Variants in PTPRD observed in about 807,000 individuals in gnomAD.
PTPRD encodes the protein protein tyrosine phosphatase receptor type D.
PTPRD carries 34 observed loss-of-function variants against 214.5 expected under a neutral mutation model. The observed-to-expected ratio is 0.16, with a 90% CI of 0.12 to 0.21. The LOEUF is 0.21. PTPRD is among the 10% of genes least tolerant of loss of function. PTPRD has a pLI of 1.00. For missense variants in PTPRD, 2,545 were observed against 2,398.7 expected (o/e 1.06, Z -1.27); for synonymous variants, 1,128 against 845.7 (o/e 1.33, Z -5.79).
chr9:9,413,122 T>TTTTTTTTTTTTC (rs2075987389), intron 8 of PTPRD, among the ~76,000 whole-genome samples: 1 of 130,814 alleles, frequency 7.6e-6, no homozygotes, highest in African/African-American at 2.9e-5. Flanking sequence ...TTTTTTTTTT[T>TTTTTTTTTTTTC]TTTGAGACGG....
intron 2 of PTPRD, among the ~76,000 whole-genome samples, chr9:10,446,689 G>C (rs1469353678): frequency 6.6e-6 from 1 of 152,070 alleles, no homozygotes; most frequent in African/African-American, 2.4e-5. Context: ...CTTGATGTTT[G>C]ATTTATCTGC....
At chr9:10,251,437 A>G (rs2092757795) in intron 3 of PTPRD, among the ~76,000 whole-genome samples, 1 of 151,806 alleles carries the variant, frequency 6.6e-6, no homozygotes, top group South Asian at 2.1e-4. Context: ...GAGTAGGATT[A>G]TCAGATCGAG....
rs374363515 is a variant in PTPRD at position 9,316,623 on chromosome 9, A to G, written c.-203+80826T>C. On this transcript the variant is annotated intron_variant, in intron 9 of 45. Transcript: ENST00000381196. The stretch of plus-strand genomic sequence containing the variant: ...AGGGGAAGAGTAGGTTAAGAGCAAA[A>G]TAGCCCAATCAACTATGCCACTTTT... Among the ~76,000 whole-genome samples, 4 of 152,142 alleles carry G rather than the reference A, an allele frequency of 2.6e-5. No homozygotes were observed. The East Asian group carries it at 5.8e-4, about 22-fold the overall frequency.
intron 44 of PTPRD, among the ~76,000 whole-genome samples, chr9:8,327,518 G>C (rs1305413847): frequency 6.6e-6 from 1 of 152,066 alleles, no homozygotes; most frequent in Non-Finnish European, 1.5e-5. Flanking sequence ...CTGTTGATTT[G>C]GGTGGAGAGT....
intron 9 of PTPRD, among the ~76,000 whole-genome samples, chr9:9,374,448 C>T (rs1402793512): frequency 6.6e-6 from 1 of 151,922 alleles, no homozygotes; most frequent in African/African-American, 2.4e-5. Context: ...AAAGGAGCAA[C>T]ATTTGAGAAA....
chr9:9,371,598 G>C (rs1240439517), intron 9 of PTPRD, among the ~76,000 whole-genome samples: 2 of 151,896 alleles, frequency 1.3e-5, no homozygotes, highest in Admixed American at 1.3e-4. Flanking sequence ...AGGGTTTTTT[G>C]TGTCTCTATC....
chr9:8,701,912 A>C (rs1426220603), intron 12 of PTPRD, among the ~76,000 whole-genome samples: 3 of 152,198 alleles, frequency 2.0e-5, no homozygotes, highest in African/African-American at 7.2e-5. Flanking sequence ...TCAATGTATT[A>C]AATGTCGTTC....
chr9:9,988,060 T>A (rs1372827862), intron 4 of PTPRD, among the ~76,000 whole-genome samples: 1 of 152,156 alleles, frequency 6.6e-6, no homozygotes, highest in African/African-American at 2.4e-5. Flanking sequence ...TAAACAGGTG[T>A]CTGAAAATAC....
intron 11 of PTPRD, among the ~76,000 whole-genome samples, chr9:8,748,814 G>C (rs1357616381): frequency 6.6e-6 from 1 of 152,084 alleles, no homozygotes; most frequent in Non-Finnish European, 1.5e-5. Flanking sequence ...GGGAGGCTGA[G>C]GTGTGAGAAT....
At chr9:8,680,689 CAT>C (rs34377357) in intron 12 of PTPRD, among the ~76,000 whole-genome samples, 1,800 of 152,248 alleles carry the variant, frequency 0.012, 35 homozygotes, top group African/African-American at 0.038. Context: ...CATAAACACA[CAT>C]ACACACATAA....
At chr9:10,503,195 AAAAAAAAAAAAAC>A (rs2044396787) in intron 2 of PTPRD, among the ~76,000 whole-genome samples, 1 of 120,320 alleles carries the variant, frequency 8.3e-6, no homozygotes, top group South Asian at 2.3e-4. Context: ...CTGCAATACA[AAAAAAAAAAAAAC>A]AAAAAAAAAC....
chr9:8,728,943 G>A (rs1277716401), intron 12 of PTPRD, among the ~76,000 whole-genome samples: 1 of 152,112 alleles, frequency 6.6e-6, no homozygotes, highest in Admixed American at 6.6e-5. Flanking sequence ...TCACACCACT[G>A]CACTCCAGCC....
chr9:10,358,694 T>C (rs1308337992), intron 2 of PTPRD, among the ~76,000 whole-genome samples: 1 of 151,950 alleles, frequency 6.6e-6, no homozygotes, highest in Non-Finnish European at 1.5e-5. Flanking sequence ...AGTACACATA[T>C]ATATATAAAG....
intron 5 of PTPRD, among the ~76,000 whole-genome samples, chr9:9,780,459 C>G (rs1003880058): frequency 2.0e-5 from 3 of 152,122 alleles, no homozygotes; most frequent in African/African-American, 7.2e-5. Flanking sequence ...GAACAGACAT[C>G]TCACCAAAGA....
At chr9:9,373,811 C>G (rs923087977) in intron 9 of PTPRD, among the ~76,000 whole-genome samples, 3 of 152,106 alleles carry the variant, frequency 2.0e-5, no homozygotes, top group African/African-American at 2.4e-5. Flanking sequence ...ACTTGGAAAT[C>G]TCTGGGGACT....
intron 5 of PTPRD, among the ~76,000 whole-genome samples, chr9:9,921,343 G>A (rs554354598): frequency 5.5e-4 from 84 of 152,038 alleles, no homozygotes; most frequent in African/African-American, 1.8e-3. Context: ...ATCTCTTTTT[G>A]TAAGGTTATA....
chr9:8,563,383 T>C (rs1449101473), intron 14 of PTPRD, among the ~76,000 whole-genome samples: 1 of 151,948 alleles, frequency 6.6e-6, no homozygotes, highest in African/African-American at 2.4e-5. Context: ...TATACATATA[T>C]ACACACATAT....
intron 2 of PTPRD, among the ~76,000 whole-genome samples, chr9:10,419,591 A>G (rs187853874): frequency 5.9e-5 from 9 of 152,010 alleles, no homozygotes; most frequent in Non-Finnish European, 1.2e-4. Flanking sequence ...ATTAAGATAT[A>G]TTATTAATAA....
At chr9:9,088,323 C>T (rs563810035) in intron 10 of PTPRD, among the ~76,000 whole-genome samples, 1 of 151,746 alleles carries the variant, frequency 6.6e-6, no homozygotes, top group African/African-American at 2.4e-5. Context: ...TGCGGTGGCT[C>T]ACGCCTGTGG....
Sources: gnomAD v4.1 joint callset for allele counts (sites outside exome capture counted in the v4.1 genomes callset) on GRCh38, gnomAD v4.1.1 for gene constraint, MANE v1.5 for transcripts, NCBI Gene and HGNC (gene_info 2026-07-23, HGNC 2026-07-21) for gene names.